The following CLEC5A variants were observed in gnomAD, a reference collection of about 807,000 sequenced individuals.
CLEC5A encodes the protein C-type lectin domain family 5 member A.
In CLEC5A, 15 loss-of-function variants were observed where a neutral mutation model predicts 24.4. That is an observed-to-expected ratio of 0.62 (90% CI 0.41 to 0.95). CLEC5A has a LOEUF of 0.95. Ranked by LOEUF, CLEC5A falls within the 40% of genes least tolerant of loss-of-function variation. The pLI is 0.00. For missense variants in CLEC5A, 211 were observed against 224.0 expected (o/e 0.94, Z 0.37); for synonymous variants, 71 against 72.6 (o/e 0.98, Z 0.11).
intron 4 of CLEC5A, among the ~76,000 whole-genome samples, chr7:141,936,853 A>T (rs1194644954): frequency 6.6e-6 from 1 of 151,906 alleles, no homozygotes; most frequent in Non-Finnish European, 1.5e-5. Flanking sequence ...TGCATCTTGG[A>T]TGCAAGCCAC....
chr7:141,945,349 T>C lies in CLEC5A; in HGVS notation c.131A>G (p.Tyr44Cys), dbSNP rs1427930762. ...ACCACCATGCAGATTACCTGTTCCA[T>C]AGCTCCTGGTGGTGGTGAAACCATC... Reference protein sequence around the residue: ...SNDGFTTTRSYGTVSQIFGSS... With the variant: ...SNDGFTTTRSCGTVSQIFGSS... Residue 44 changes from tyrosine (Y) to cysteine (C), a missense_variant, in exon 3 of 7, where the codon TAT (tyrosine) becomes TGT (cysteine). Tyr to Cys is a radical substitution (Grantham distance 194). Coordinates refer to ENST00000546910, the MANE Select transcript of CLEC5A (RefSeq NM_013252.3). The C allele has an allele frequency of 1.9e-6, 3 of 1,610,664 alleles. No individual in the cohort carries two copies. Among genetic ancestry groups the C allele is most frequent in the Non-Finnish European group, 2.5e-6 (3 of 1,177,092 alleles).
intron 5 of CLEC5A, among the ~76,000 whole-genome samples, chr7:141,934,613 G>GTTTTTTT (rs577797546): frequency 1.1e-4 from 7 of 61,800 alleles, no homozygotes; most frequent in African/African-American, 4.5e-4. Context: ...TTTCTTTAAC[G>GTTTTTTT]TTTTTTTTTT....
chr7:141,942,503 C>T (rs141471601), intron 4 of CLEC5A, among the ~76,000 whole-genome samples: 61 of 152,224 alleles, frequency 4.0e-4, no homozygotes, highest in African/African-American at 1.3e-3. Flanking sequence ...CTCTGTAGGA[C>T]ATTGAAGTGA....
chr7:141,943,986 A>T (rs1554441874), intron 3 of CLEC5A, 22 bp from the exon 4 acceptor site: 1 of 1,467,134 alleles, frequency 6.8e-7, no homozygotes, highest in Admixed American at 1.7e-5. Context: ...AGTAAACCTA[A>T]AGGTTATGGT....
intron 4 of CLEC5A, among the ~76,000 whole-genome samples, chr7:141,940,023 G>A (rs782325792): frequency 3.3e-5 from 5 of 152,088 alleles, no homozygotes; most frequent in South Asian, 2.1e-4. Flanking sequence ...GCATTGGACC[G>A]ATCTTTCAGT....
At chr7:141,935,661 C>T (rs1306233769) in intron 5 of CLEC5A, among the ~76,000 whole-genome samples, 153 bp downstream of exon 5, 2 of 152,112 alleles carry the variant, frequency 1.3e-5, no homozygotes, top group African/African-American at 2.4e-5. Context: ...ATCTCCTAAC[C>T]TCCAGTCCAG....
In CLEC5A at chr7:141,929,745, C is replaced by A; in HGVS notation, c.*359G>T. 1 of 163,442 alleles carries A rather than the reference C, an allele frequency of 6.1e-6. No homozygotes were observed. The allele number at this position is 163,442 out of a possible 1,614,324, so 10.1% of individuals were successfully genotyped here. On this transcript the variant is annotated 3_prime_UTR_variant, in exon 7 of 7. Coordinates refer to ENST00000546910, the MANE Select transcript of CLEC5A (RefSeq NM_013252.3). ...TATCCCTCTTCCACCATGGTAATCC[C>A]TAAATAATGTTTATAATTTCTCACT...
chr7:141,933,575 CATATATATATATAT>C (rs3043785), intron 5 of CLEC5A, among the ~76,000 whole-genome samples: 1,194 of 115,200 alleles, frequency 0.01, 34 homozygotes, highest in South Asian at 0.061. Context: ...AGGGAGCAGG[CATATATATATATAT>C]ATATATATAT....
chr7:141,937,280 C>A (rs781903317), intron 4 of CLEC5A, among the ~76,000 whole-genome samples: 1 of 151,932 alleles, frequency 6.6e-6, no homozygotes, highest in Non-Finnish European at 1.5e-5. Context: ...TGCCCTGAGC[C>A]AGATAGGAGC....
chr7:141,938,838 A>G (rs1474631466), intron 4 of CLEC5A, among the ~76,000 whole-genome samples: 1 of 152,228 alleles, frequency 6.6e-6, no homozygotes, highest in Non-Finnish European at 1.5e-5. Context: ...TGGAAATCTT[A>G]TAGGCCAGGA....
Position 141,935,832 on chromosome 7 carries a change from G to C in CLEC5A, c.327C>G (p.Val109=). The part of the protein sequence containing the change: ...CKGKGSTLAI[V]NTPEKLKFLQ... ...TTCTCACCAGTTTCTCTGGCGTGTT[G>C]ACAATTGCCAATGTGGATCCTTTTC... The change falls in exon 5 of 7, where the codon GTC becomes GTG. Residue 109 remains valine, a synonymous_variant. Coordinates refer to ENST00000546910, the MANE Select transcript of CLEC5A (RefSeq NM_013252.3). 5 of 1,613,998 alleles carry C rather than the reference G, an allele frequency of 3.1e-6. No individual in the cohort carries two copies. The highest frequency in any genetic ancestry group is 4.2e-6 in the Non-Finnish European group (5 of 1,179,900).
At chr7:141,936,814 G>A in intron 4 of CLEC5A, among the ~76,000 whole-genome samples, 1 of 151,996 alleles carries the variant, frequency 6.6e-6, no homozygotes, top group Admixed American at 6.5e-5. Context: ...TTGAGGAGAG[G>A]AGAGGGAAGA....
chr7:141,934,623 T>TTTTG (rs1802564057), intron 5 of CLEC5A, among the ~76,000 whole-genome samples: 1 of 123,066 alleles, frequency 8.1e-6, no homozygotes, highest in Admixed American at 8.2e-5. Flanking sequence ...GTTTTTTTTT[T>TTTTG]TTTTTTTTTT....
At chr7:141,939,477 A>C (rs1802721921) in intron 4 of CLEC5A, among the ~76,000 whole-genome samples, 1 of 152,126 alleles carries the variant, frequency 6.6e-6, no homozygotes, top group African/African-American at 2.4e-5. Context: ...ACCACCAGAG[A>C]AAATCACCTT....
chr7:141,944,828 A>G (rs553768154), intron 3 of CLEC5A, among the ~76,000 whole-genome samples: 1 of 152,322 alleles, frequency 6.6e-6, no homozygotes, highest in Admixed American at 6.5e-5. Context: ...ATCAGAAACT[A>G]CTTTGAGATT....
chr7:141,934,610 A>T (rs868959976), intron 5 of CLEC5A, among the ~76,000 whole-genome samples: 3,198 of 107,050 alleles, frequency 0.03, 141 homozygotes, highest in African/African-American at 0.11. Context: ...CTTTTTCTTT[A>T]ACGTTTTTTT....
Position 141,931,464 on chromosome 7 carries a change from T to A in CLEC5A, c.452+256A>T, listed in dbSNP as rs559224830. The A allele has an allele frequency of 1.4e-4, 70 of 509,588 alleles. No homozygotes were observed. In the South Asian group the frequency reaches 1.9e-3, roughly 14 times the overall value. The allele number at this position is 509,588 out of a possible 1,614,324, so 31.6% of individuals were successfully genotyped here. A position where few individuals can be genotyped will look rare whatever the true frequency, so the allele number is the denominator to read the frequency against. ...ATCAAATGAATGCTATGTAGGTGGA[T>A]TTGTTTGGATCTTGATATGAATAAA... On this transcript the variant is annotated intron_variant, in intron 6 of 6. Transcript: ENST00000546910.
intron 3 of CLEC5A, 40 bp downstream of exon 3, chr7:141,945,301 G>C: frequency 7.1e-7 from 1 of 1,407,818 alleles, no homozygotes; most frequent in Non-Finnish European, 1.0e-6. Flanking sequence ...CATAGAAGTA[G>C]CAGGAGGATG....
intron 4 of CLEC5A, among the ~76,000 whole-genome samples, chr7:141,937,941 G>C (rs1286625653): frequency 6.6e-6 from 1 of 152,182 alleles, no homozygotes; most frequent in African/African-American, 2.4e-5. Context: ...GTACCTCTAC[G>C]AGTCTGCAAG....
Sources: gnomAD v4.1 joint callset for allele counts (sites outside exome capture counted in the v4.1 genomes callset) on GRCh38, gnomAD v4.1.1 for gene constraint, MANE v1.5 for transcripts, NCBI Gene and HGNC (gene_info 2026-07-23, HGNC 2026-07-21) for gene names.